The following MAP4K3 variants were observed in gnomAD, a reference collection of about 807,000 sequenced individuals.
MAP4K3 encodes the protein MAPK/ERK kinase kinase kinase 3.
MAP4K3 carries 94 observed loss-of-function variants against 143.5 expected under a neutral mutation model. The ratio of observed to expected loss-of-function variants is 0.65; its 90% CI spans 0.55 to 0.78. MAP4K3 has a LOEUF of 0.78. MAP4K3 is among the 30% of genes least tolerant of loss of function. The pLI, the probability that MAP4K3 is intolerant of heterozygous loss-of-function variation, is 0.00. For synonymous variants in MAP4K3, 416 were observed against 347.2 expected, an observed-to-expected ratio of 1.20 and a Z score of -2.20; for missense variants, 1,077 against 1,068.1, an observed-to-expected ratio of 1.01 and a Z score of -0.12.
chr2:39,313,258 G>A (rs11688033), intron 13 of MAP4K3, among the ~76,000 whole-genome samples: 101,377 of 151,994 alleles, frequency 0.67, 37,454 homozygotes, highest in Non-Finnish European at 0.82. Context: ...ACATATGCAG[G>A]TTTGTTGTAT....
intron 1 of MAP4K3, among the ~76,000 whole-genome samples, chr2:39,387,229 A>C (rs1402185315): frequency 1.3e-5 from 2 of 152,126 alleles, no homozygotes; most frequent in Non-Finnish European, 2.9e-5. Context: ...TTGCCTTTCC[A>C]TATAAATTTG....
At chr2:39,398,379 A>C (rs889053652) in intron 1 of MAP4K3, among the ~76,000 whole-genome samples, 9 of 152,228 alleles carry the variant, frequency 5.9e-5, no homozygotes, top group African/African-American at 1.7e-4. Context: ...TAAAGAAACC[A>C]GGGTGCAAAG....
intron 2 of MAP4K3, among the ~76,000 whole-genome samples, chr2:39,377,712 T>C (rs1367910686): frequency 6.6e-6 from 1 of 152,124 alleles, no homozygotes; most frequent in Non-Finnish European, 1.5e-5. Flanking sequence ...TACAACTACC[T>C]AAATTTCAGT....
At chr2:39,366,484 A>G (rs953250692) in intron 2 of MAP4K3, among the ~76,000 whole-genome samples, 4 of 152,150 alleles carry the variant, frequency 2.6e-5, no homozygotes, top group Admixed American at 2.6e-4. Flanking sequence ...CAGACGAAGA[A>G]ATGTTTCTCT....
chr2:39,427,580 C>A (rs888025904), intron 1 of MAP4K3, among the ~76,000 whole-genome samples: 1 of 152,164 alleles, frequency 6.6e-6, no homozygotes, highest in Admixed American at 6.5e-5. Flanking sequence ...AATCCACATA[C>A]TGACCAGAAA....
intron 2 of MAP4K3, among the ~76,000 whole-genome samples, chr2:39,367,418 T>C (rs1226143681): frequency 6.6e-6 from 1 of 152,064 alleles, no homozygotes; most frequent in Non-Finnish European, 1.5e-5. Context: ...TGTGAGCCTG[T>C]AGTCGCAGCT....
At chr2:39,256,211 T>C (rs1295110645) in intron 31 of MAP4K3, among the ~76,000 whole-genome samples, 2 of 152,226 alleles carry the variant, frequency 1.3e-5, no homozygotes, top group Non-Finnish European at 2.9e-5. Context: ...TTAATAGGGT[T>C]TTATATTCTA....
rs780123022 is a variant in MAP4K3, at chr2:39,350,184, G to C, written c.245+6065C>G. Reference sequence around the variant, plus strand: ...ATAATGCCAAAGGTGAGAAACCCTGGCTTAAACAAATAACAAATTAACATC... The same window carrying C: ...ATAATGCCAAAGGTGAGAAACCCTGCCTTAAACAAATAACAAATTAACATC... On this transcript the variant is annotated intron_variant, in intron 3 of 33. Transcript: ENST00000263881. Among the ~76,000 whole-genome samples, 96 of 152,162 alleles carry C rather than the reference G, an allele frequency of 6.3e-4. 3 individuals carry two copies. Among genetic ancestry groups the C allele is most frequent in the Non-Finnish European group, 3.1e-4 (21 of 68,028 alleles).
In MAP4K3 at chr2:39,309,500, A is replaced by T; in HGVS notation, c.1017T>A (p.Asp339Glu). The change falls in exon 14 of 34, where the codon GAT becomes GAA. Residue 339 changes from aspartate (D) to glutamate (E), a missense_variant. By Grantham distance (45) the Asp-to-Glu change is conservative. Transcript: ENST00000263881. ...GTTCTGTCTCCTTTCTTAAGGGTGG[A>T]TCAAATTTCACTTGGCCAACTAAAA... ...SEITFGQVKF[D>E]PPLRKETEPH... is the part of the protein sequence containing the mutation. The T allele has an allele frequency of 6.3e-7, 1 of 1,590,280 alleles. No homozygotes were observed.
At chr2:39,416,006 A>ATATATATATATATATACATAAAAAT (rs1420812309) in intron 1 of MAP4K3, among the ~76,000 whole-genome samples, 8 of 75,866 alleles carry the variant, frequency 1.1e-4, no homozygotes, top group African/African-American at 4.3e-4. Context: ...TATATATATA[A>ATATATATATATATATACATAAAAAT]AAATAACATT....
intron 1 of MAP4K3, among the ~76,000 whole-genome samples, chr2:39,392,676 T>C (rs1666699074): frequency 2.0e-5 from 3 of 152,182 alleles, no homozygotes; most frequent in Admixed American, 1.3e-4. Context: ...TGTAATAGTA[T>C]TGGCAGGTGG....
chr2:39,324,966 A>C (rs1683437208), intron 12 of MAP4K3, among the ~76,000 whole-genome samples: 2 of 152,188 alleles, frequency 1.3e-5, no homozygotes, highest in South Asian at 4.1e-4. Flanking sequence ...CTAATAATTT[A>C]TGAAGTATTA....
At chr2:39,265,327 A>C (rs1680723977) in intron 27 of MAP4K3, 21 bp from the exon 28 acceptor site, 5 of 1,390,530 alleles carry the variant, frequency 3.6e-6, no homozygotes, top group Non-Finnish European at 4.1e-6. Context: ...AAAAATATAA[A>C]TGAGTTCTCT....
intron 12 of MAP4K3, among the ~76,000 whole-genome samples, 195 bp downstream of exon 12, chr2:39,325,323 T>C (rs1259466028): frequency 6.6e-6 from 1 of 152,180 alleles, no homozygotes; most frequent in Non-Finnish European, 1.5e-5. Context: ...CACCTATAAG[T>C]AGTCAGTAAG....
At chr2:39,332,207 T>G (rs1274817305) in intron 7 of MAP4K3, among the ~76,000 whole-genome samples, 1 of 152,082 alleles carries the variant, frequency 6.6e-6, no homozygotes, top group Non-Finnish European at 1.5e-5. Flanking sequence ...GATTCCCATA[T>G]ATCCCCACAT....
chr2:39,267,879 C>G (rs1391481395), intron 26 of MAP4K3, among the ~76,000 whole-genome samples: 1 of 152,112 alleles, frequency 6.6e-6, no homozygotes, highest in East Asian at 1.9e-4. Flanking sequence ...TTTGCCCCCA[C>G]TGATTCAACC....
intron 3 of MAP4K3, among the ~76,000 whole-genome samples, chr2:39,351,416 A>C (rs1161101984): frequency 1.3e-5 from 2 of 152,218 alleles, no homozygotes; most frequent in Non-Finnish European, 2.9e-5. Context: ...TCTGTGCCTT[A>C]CTTCTAAATT....
intron 16 of MAP4K3, 26 bp from the exon 17 acceptor site, chr2:39,293,294 A>C (rs992569060): frequency 1.5e-6 from 2 of 1,315,900 alleles, no homozygotes; most frequent in African/African-American, 3.0e-5. Context: ...AAAAACAAAA[A>C]ATAATGTGAA....
intron 1 of MAP4K3, among the ~76,000 whole-genome samples, chr2:39,409,638 G>C (rs538128468): frequency 6.6e-6 from 1 of 152,174 alleles, no homozygotes; most frequent in Non-Finnish European, 1.5e-5. Context: ...TGAGTATGCA[G>C]AGAACAGAAA....
Sources: allele counts gnomAD v4.1 joint callset (sites outside exome capture counted in the v4.1 genomes callset), GRCh38; gene constraint gnomAD v4.1.1; transcripts MANE v1.5; gene names NCBI Gene and HGNC (gene_info 2026-07-23, HGNC 2026-07-21).